LRGUK: variants seen among roughly 807,000 people sequenced by gnomAD.
LRGUK encodes leucine-rich repeat and guanylate kinase domain-containing protein.
A neutral mutation model predicts 76.0 loss-of-function variants in LRGUK; 65 were observed. The observed-to-expected ratio is 0.85, with a 90% CI of 0.70 to 1.05. The LOEUF is 1.05. Among genes scored for constraint, LRGUK ranks in the 50% least tolerant of loss-of-function variants. The probability of loss-of-function intolerance (pLI) is 0.00; values close to 1 mark genes in which losing one functional copy is unlikely to be tolerated. For synonymous variants in LRGUK, 268 were observed against 265.6 expected (o/e 1.01, Z -0.09); for missense variants, 758 against 732.8 (o/e 1.03, Z -0.40).
chr7:134,265,373 A>T (rs947609328), downstream of LRGUK, among the ~76,000 whole-genome samples: 1 of 152,182 alleles, frequency 6.6e-6, no homozygotes, highest in Non-Finnish European at 1.5e-5. Context: ...AAGAAGGCAG[A>T]TGGGCTATGG....
chr7:134,229,237 T>A (rs889288790), intron 16 of LRGUK, among the ~76,000 whole-genome samples: 1 of 151,966 alleles, frequency 6.6e-6, no homozygotes, highest in Non-Finnish European at 1.5e-5. Flanking sequence ...GTGGCACACG[T>A]CTGCAGTCCC....
intron 16 of LRGUK, among the ~76,000 whole-genome samples, chr7:134,222,885 A>C (rs1158565999): frequency 6.6e-6 from 1 of 152,184 alleles, no homozygotes; most frequent in Non-Finnish European, 1.5e-5. Flanking sequence ...GGTGTGAGCC[A>C]CCATGCCCCG....
chr7:134,150,732 A>G (rs1459678827), intron 5 of LRGUK, among the ~76,000 whole-genome samples: 1 of 152,188 alleles, frequency 6.6e-6, no homozygotes, highest in Non-Finnish European at 1.5e-5. Flanking sequence ...TTCTATCAAG[A>G]GAGTCTTAAT....
intron 11 of LRGUK, among the ~76,000 whole-genome samples, chr7:134,189,978 C>T (rs556666337): frequency 4.6e-5 from 7 of 152,254 alleles, no homozygotes; most frequent in South Asian, 2.1e-4. Context: ...GACTTTGCAA[C>T]GAAGAGCCTT....
At chr7:134,178,926 C>CAAAAAAAAAAAAAAAAAAAAAAACAA (rs950815389) in intron 10 of LRGUK, among the ~76,000 whole-genome samples, 1 of 43,556 alleles carries the variant, frequency 2.3e-5, no homozygotes, top group Non-Finnish European at 4.7e-5. Flanking sequence ...AGTGAAATCT[C>CAAAAAAAAAAAAAAAAAAAAAAACAA]AAAAAAAAAA....
chr7:134,225,047 C>T (rs1801699339), intron 16 of LRGUK, among the ~76,000 whole-genome samples: 1 of 139,402 alleles, frequency 7.2e-6, no homozygotes, highest in Admixed American at 7.5e-5. Context: ...AGTGAAACTC[C>T]ATCTCAAAAA....
At chr7:134,199,288 A>G (rs2117082126) in exon 14 of LRGUK, 1 of 1,613,910 alleles carries the variant, frequency 6.2e-7, no homozygotes, top group East Asian at 2.2e-5. Flanking sequence ...TGAACAAGGA[A>G]AAATATGAGG....
At chr7:134,134,919 A>G (rs1797462374) in intron 1 of LRGUK, among the ~76,000 whole-genome samples, 1 of 150,948 alleles carries the variant, frequency 6.6e-6, no homozygotes, top group African/African-American at 2.4e-5. Flanking sequence ...TTTTATGTCC[A>G]TTTTTTTTTC....
intron 4 of LRGUK, among the ~76,000 whole-genome samples, chr7:134,144,799 C>T (rs1244522352): frequency 6.6e-6 from 1 of 152,026 alleles, no homozygotes; most frequent in Non-Finnish European, 1.5e-5. Flanking sequence ...TAGTTTTTGC[C>T]AGGATGACAT....
At chr7:134,133,211 C>T (rs753050676) in intron 1 of LRGUK, among the ~76,000 whole-genome samples, 3 of 152,176 alleles carry the variant, frequency 2.0e-5, no homozygotes, top group Non-Finnish European at 2.9e-5. Context: ...GAACCTTCAT[C>T]GTTCTCTCAA....
At chr7:134,236,415 C>G (rs2117184015) in intron 16 of LRGUK, among the ~76,000 whole-genome samples, 1 of 152,238 alleles carries the variant, frequency 6.6e-6, no homozygotes, top group South Asian at 2.1e-4. Flanking sequence ...CTCCACCCAG[C>G]CTTTTCTTTT....
At chr7:134,205,286 T>C (rs1180533562) in intron 15 of LRGUK, among the ~76,000 whole-genome samples, 4 of 152,150 alleles carry the variant, frequency 2.6e-5, no homozygotes, top group Non-Finnish European at 5.9e-5. Context: ...AGTTCCTGAT[T>C]GGTGCGTTTT....
In LRGUK at chr7:134,199,565, C is replaced by T. The variant is rs981642996; in HGVS notation, c.1747+144C>T. 4.6e-6 allele frequency: 3 copies of T among 648,418 alleles called. No individual in the cohort carries two copies. In the African/African-American group the frequency reaches 5.5e-5, roughly 12 times the overall value. The allele number at this position is 648,418 out of a possible 1,614,324, so 40.2% of individuals were successfully genotyped here. A position where few individuals can be genotyped will look rare whatever the true frequency, so the allele number is the denominator to read the frequency against. On this transcript the variant is annotated intron_variant, in intron 14 of 15. Transcript: ENST00000645682. ...AGAGCTGCGAAAAGGGGTAAGAATC[C>T]AAGAGGTCTAATCTTCCACTGTTTT...
chr7:134,199,552 AG>A, intron 14 of LRGUK, 131 bp downstream of exon 14: 1 of 705,328 alleles, frequency 1.4e-6, no homozygotes, highest in South Asian at 1.9e-5. Context: ...AGCTGCGAAA[AG>A]GGGTAAGAAT....
At chr7:134,157,839 A>G (rs756871565) in intron 5 of LRGUK, among the ~76,000 whole-genome samples, 196 bp from the exon 6 acceptor site, 6 of 152,216 alleles carry the variant, frequency 3.9e-5, no homozygotes, top group Non-Finnish European at 8.8e-5. Flanking sequence ...CCTTTTTAAA[A>G]TAAAAATTGT....
At chr7:134,155,772 A>ATAT (rs1458407293) in intron 5 of LRGUK, among the ~76,000 whole-genome samples, 2 of 152,182 alleles carry the variant, frequency 1.3e-5, no homozygotes, top group African/African-American at 4.8e-5. Context: ...TGGCCACCTG[A>ATAT]TATTATCCCC....
At chr7:134,234,444 T>C (rs1801970977) in intron 16 of LRGUK, among the ~76,000 whole-genome samples, 1 of 152,282 alleles carries the variant, frequency 6.6e-6, no homozygotes, top group South Asian at 2.1e-4. Flanking sequence ...TGTGATGTAC[T>C]AGAACCCTTC....
At chr7:134,171,302 G>C (rs543716021) in intron 7 of LRGUK, among the ~76,000 whole-genome samples, 44 of 151,766 alleles carry the variant, frequency 2.9e-4, no homozygotes, top group Admixed American at 1.5e-3. Context: ...CCCGCAGTTT[G>C]AAAAATATTT....
intron 16 of LRGUK, among the ~76,000 whole-genome samples, chr7:134,239,300 C>G (rs1208263187): frequency 6.6e-6 from 1 of 152,198 alleles, no homozygotes; most frequent in African/African-American, 2.4e-5. Context: ...CCTTTCCTAG[C>G]AAAGGGAAGC....
Sources: gnomAD v4.1 joint callset for allele counts (sites outside exome capture counted in the v4.1 genomes callset) on GRCh38, gnomAD v4.1.1 for gene constraint, MANE v1.5 for transcripts, NCBI Gene and HGNC (gene_info 2026-07-23, HGNC 2026-07-21) for gene names.